OSBPL9: variants seen among roughly 807,000 people sequenced by gnomAD.
OSBPL9 encodes the protein oxysterol-binding protein-related protein 9.
A neutral mutation model predicts 106.6 loss-of-function variants in OSBPL9; 40 were observed. That is an observed-to-expected ratio of 0.38 (90% CI 0.29 to 0.49). The LOEUF is 0.49. Ranked by LOEUF, OSBPL9 falls within the 20% of genes least tolerant of loss-of-function variation. The pLI, the probability that OSBPL9 is intolerant of heterozygous loss-of-function variation, is 0.97. For missense variants in OSBPL9, 609 were observed against 887.2 expected (o/e 0.69, Z 3.98); for synonymous variants, 269 against 295.4 (o/e 0.91, Z 0.92).
the OSBPL9 span, among the ~76,000 whole-genome samples, chr1:51,571,467 A>G: frequency 6.6e-6 from 1 of 152,114 alleles, no homozygotes; most frequent in Non-Finnish European, 1.5e-5. Flanking sequence ...GGAGTTTAAG[A>G]CCAGCATGGG....
At chr1:51,778,036 T>TA (rs1238274129) in intron 15 of OSBPL9, among the ~76,000 whole-genome samples, 1 of 152,040 alleles carries the variant, frequency 6.6e-6, no homozygotes, top group Non-Finnish European at 1.5e-5. Flanking sequence ...TGTGCACCTG[T>TA]AGTTCCAGCT....
At chr1:51,572,382 C>G (rs1037103852), upstream of OSBPL9, among the ~76,000 whole-genome samples, 1 of 152,136 alleles carries the variant, frequency 6.6e-6, no homozygotes, top group African/African-American at 2.4e-5. Context: ...TGGTTATTAT[C>G]TCCATCTAGT....
chr1:51,676,654 A>G (rs1651290793), intron 3 of OSBPL9, among the ~76,000 whole-genome samples: 1 of 146,414 alleles, frequency 6.8e-6, no homozygotes, highest in Non-Finnish European at 1.5e-5. Context: ...GCAAGACTCC[A>G]TCTAAAAAAA....
At chr1:51,722,425 T>TA (rs1180849511) in intron 4 of OSBPL9, among the ~76,000 whole-genome samples, 4 of 152,308 alleles carry the variant, frequency 2.6e-5, no homozygotes, top group African/African-American at 9.6e-5. Context: ...ATAGCAAAAA[T>TA]ATGGCCTCCT....
intron 1 of OSBPL9, among the ~76,000 whole-genome samples, chr1:51,650,478 T>C (rs937220554): frequency 6.6e-6 from 1 of 152,216 alleles, no homozygotes; most frequent in Non-Finnish European, 1.5e-5. Context: ...ACTGTTTTCT[T>C]TCACTGTGTT....
chr1:51,732,085 A>G (rs1203212773), intron 4 of OSBPL9, among the ~76,000 whole-genome samples: 1 of 152,202 alleles, frequency 6.6e-6, no homozygotes, highest in East Asian at 1.9e-4. Flanking sequence ...CCCCACTTCA[A>G]TCTCTGTTGA....
At chr1:51,598,758 C>T (rs1315095096) in intron 2 of OSBPL9, among the ~76,000 whole-genome samples, 1 of 152,160 alleles carries the variant, frequency 6.6e-6, no homozygotes, top group African/African-American at 2.4e-5. Flanking sequence ...CTTTGGGAGG[C>T]TGAGGCAGGC....
chr1:51,652,691 G>T (rs964842143), intron 2 of OSBPL9, among the ~76,000 whole-genome samples: 2 of 152,094 alleles, frequency 1.3e-5, no homozygotes, highest in African/African-American at 4.8e-5. Context: ...TCTCAATTAG[G>T]ACTAGCTGTA....
At chr1:51,599,900 G>C (rs539004075) in intron 2 of OSBPL9, among the ~76,000 whole-genome samples, 55 of 152,348 alleles carry the variant, frequency 3.6e-4, no homozygotes, top group Admixed American at 2.4e-3. Context: ...AAAGCTGTCT[G>C]CTTCCAAGGT....
At chr1:51,579,862 T>TAATAAG (rs749788193) in intron 1 of OSBPL9, among the ~76,000 whole-genome samples, 1 of 132,096 alleles carries the variant, frequency 7.6e-6, no homozygotes, top group African/African-American at 2.8e-5. Flanking sequence ...CTCAAAATAA[T>TAATAAG]AATAATAATA....
At chr1:51,710,739 ATTG>A (rs1659622121) in intron 3 of OSBPL9, among the ~76,000 whole-genome samples, 1 of 152,134 alleles carries the variant, frequency 6.6e-6, no homozygotes, top group Non-Finnish European at 1.5e-5. Context: ...CCTGAATTTA[ATTG>A]TTGTTTCTTT....
intron 3 of OSBPL9, among the ~76,000 whole-genome samples, chr1:51,693,842 C>T (rs921462110): frequency 6.6e-6 from 1 of 152,226 alleles, no homozygotes; most frequent in Non-Finnish European, 1.5e-5. Context: ...ATCTGATTAT[C>T]TAAGTGGAAT....
At chr1:51,541,821 G>A in the OSBPL9 span, among the ~76,000 whole-genome samples, 1 of 152,312 alleles carries the variant, frequency 6.6e-6, no homozygotes, top group African/African-American at 2.4e-5. Context: ...TTATGGTCGA[G>A]TCCAGTTTAC....
chr1:51,771,052 G>A (rs753468042), intron 12 of OSBPL9, among the ~76,000 whole-genome samples: 15 of 152,234 alleles, frequency 9.9e-5, no homozygotes, highest in Admixed American at 2.6e-4. Context: ...GAGGTTTGCA[G>A]GTGTGGAGAC....
At chr1:51,677,257 T>C (rs1375450796) in intron 3 of OSBPL9, among the ~76,000 whole-genome samples, 1 of 152,204 alleles carries the variant, frequency 6.6e-6, no homozygotes, top group African/African-American at 2.4e-5. Context: ...GAACCACAGG[T>C]CTGGATCCAA....
At chr1:51,787,263 A>T in intron 22 of OSBPL9, 90 bp from the exon 23 acceptor site, 1 of 1,302,904 alleles carries the variant, frequency 7.7e-7, no homozygotes, top group Non-Finnish European at 1.1e-6. Context: ...TACAGCACTT[A>T]AAGCCATTTG....
Position 51,788,171 on chromosome 1 carries a change from C to T in OSBPL9, c.*382C>T, listed in dbSNP as rs533669327. 167 of 202,332 alleles carry T rather than the reference C, an allele frequency of 8.3e-4. No homozygotes were observed. Among genetic ancestry groups the T allele is most frequent in the Middle Eastern group, 4.1e-3 (2 of 482 alleles). The allele number at this position is 202,332 out of a possible 1,614,324, so 12.5% of individuals were successfully genotyped here. On this transcript the variant is annotated 3_prime_UTR_variant, in exon 24 of 24. Transcript: ENST00000428468. ...ATCTCGGGATACACACACACACACA[C>T]ATATATATACACACACATACGTATA...
intron 1 of OSBPL9, among the ~76,000 whole-genome samples, chr1:51,647,275 C>T (rs1646219936): frequency 6.6e-6 from 1 of 152,008 alleles, no homozygotes; most frequent in South Asian, 2.1e-4. Flanking sequence ...GGATAAATCC[C>T]ACTTGGTCAT....
intron 2 of OSBPL9, among the ~76,000 whole-genome samples, chr1:51,607,164 CTTTTTTTTT>C (rs1320905927): frequency 7.3e-6 from 1 of 136,384 alleles, no homozygotes; most frequent in African/African-American, 2.7e-5. Context: ...TTTTCTTTTT[CTTTTTTTTT>C]TTTTTTTTGA....
Sources: gnomAD v4.1 joint callset for allele counts (sites outside exome capture counted in the v4.1 genomes callset) on GRCh38, gnomAD v4.1.1 for gene constraint, MANE v1.5 for transcripts, NCBI Gene and HGNC (gene_info 2026-07-23, HGNC 2026-07-21) for gene names.